TTC28: variants seen among roughly 807,000 people sequenced by gnomAD.
The protein encoded by TTC28 is tetratricopeptide repeat protein 28.
Under a neutral mutation model 198.0 loss-of-function variants are expected in TTC28, and 61 were observed. The ratio of observed to expected loss-of-function variants is 0.31; its 90% CI spans 0.25 to 0.38. TTC28 has a LOEUF of 0.38. Ranked by LOEUF, TTC28 falls within the 10% of genes least tolerant of loss-of-function variation. The pLI, the probability that TTC28 is intolerant of heterozygous loss-of-function variation, is 1.00. For synonymous variants in TTC28, 1,171 were observed against 1,297.8 expected, an observed-to-expected ratio of 0.90 and a Z score of 2.10; for missense variants, 2,678 against 3,164.0, an observed-to-expected ratio of 0.85 and a Z score of 3.69.
At chr22:28,435,377 A>C (rs2047505040) in intron 2 of TTC28, among the ~76,000 whole-genome samples, 1 of 152,224 alleles carries the variant, frequency 6.6e-6, no homozygotes, top group South Asian at 2.1e-4. Context: ...TTCAGGACAA[A>C]GGTTTCCTAT....
chr22:28,276,160 C>T (rs1254510796), intron 5 of TTC28, among the ~76,000 whole-genome samples: 1 of 151,902 alleles, frequency 6.6e-6, no homozygotes, highest in Non-Finnish European at 1.5e-5. Context: ...CACAGGCATG[C>T]ACCACGACGC....
At chr22:28,326,630 G>GA (rs2045533932) in intron 2 of TTC28, among the ~76,000 whole-genome samples, 1 of 152,162 alleles carries the variant, frequency 6.6e-6, no homozygotes, top group Non-Finnish European at 1.5e-5. Context: ...GAGAACAAAA[G>GA]ACAGATACCT....
At position 28,629,610 on chromosome 22, in the gene TTC28, T is replaced by G; in HGVS notation, c.323A>C (p.Tyr108Ser). The G allele has an allele frequency of 1.3e-6, 2 of 1,551,734 alleles. No homozygotes were observed. The highest frequency in any genetic ancestry group is 8.7e-7 in the Non-Finnish European group (1 of 1,147,004). ...RSAAYMKIQQ[Y>S]DKALDDAIKA... ...GATTGCATCATCCAGTGCCTTGTCA[T>G]ACTGCTGGATTTTCATGTAGGCTGC... The change falls in exon 2 of 23, where the codon TAT becomes TCT. Residue 108 changes from tyrosine to serine, a missense_variant. This residue lies in a region of TTC28 where 176 missense variants were observed against 197.9 expected (regional missense o/e 0.89). Transcript: ENST00000397906.
intron 12 of TTC28, among the ~76,000 whole-genome samples, chr22:28,083,091 T>C (rs1017308514): frequency 8.6e-5 from 13 of 151,896 alleles, no homozygotes; most frequent in African/African-American, 2.9e-4. Context: ...TTTTTTGTCT[T>C]AAGCAACTAG....
At chr22:28,236,112 TC>T (rs770037302) in intron 5 of TTC28, among the ~76,000 whole-genome samples, 1 of 152,108 alleles carries the variant, frequency 6.6e-6, no homozygotes, top group Non-Finnish European at 1.5e-5. Flanking sequence ...AGCAACATCT[TC>T]CCCACAGATC....
At chr22:28,586,419 T>G (rs961006874) in intron 2 of TTC28, among the ~76,000 whole-genome samples, 22 of 151,776 alleles carry the variant, frequency 1.4e-4, no homozygotes, top group African/African-American at 5.3e-4. Flanking sequence ...TATAGAAAGA[T>G]TAAAGATAGA....
intron 6 of TTC28, among the ~76,000 whole-genome samples, chr22:28,117,119 C>T (rs1044043121): frequency 2.0e-5 from 3 of 152,180 alleles, no homozygotes; most frequent in Non-Finnish European, 2.9e-5. Context: ...TACTTCCAGA[C>T]AGAAGCGTTG....
chr22:28,489,664 T>C (rs1391961048), intron 2 of TTC28, among the ~76,000 whole-genome samples: 3 of 152,100 alleles, frequency 2.0e-5, no homozygotes, highest in South Asian at 4.1e-4. Flanking sequence ...TGCATGCCTG[T>C]AGTTCCAGCT....
intron 8 of TTC28, among the ~76,000 whole-genome samples, chr22:28,103,051 T>TGAAAACA (rs1455903582): frequency 6.6e-6 from 1 of 152,180 alleles, no homozygotes; most frequent in Non-Finnish European, 1.5e-5. Context: ...CCATGTTCTA[T>TGAAAACA]GAAAACAGGG....
At chr22:28,041,832 C>T (rs1351392951) in intron 12 of TTC28, among the ~76,000 whole-genome samples, 2 of 152,016 alleles carry the variant, frequency 1.3e-5, no homozygotes, top group African/African-American at 4.8e-5. Flanking sequence ...GCAATCTACA[C>T]ATGTGACAAA....
At chr22:28,076,614 T>C (rs1253752249) in intron 12 of TTC28, among the ~76,000 whole-genome samples, 1 of 152,152 alleles carries the variant, frequency 6.6e-6, no homozygotes, top group South Asian at 2.1e-4. Flanking sequence ...TCTCATTCTG[T>C]TGCCCAGGCT....
intron 12 of TTC28, among the ~76,000 whole-genome samples, chr22:28,064,469 T>G (rs958184760): frequency 3.9e-5 from 6 of 152,120 alleles, no homozygotes; most frequent in Admixed American, 6.6e-5. Flanking sequence ...TCTGTCCATA[T>G]CTCTGGCTGA....
intron 12 of TTC28, among the ~76,000 whole-genome samples, chr22:28,074,405 C>CAG (rs1021681787): frequency 6.6e-6 from 1 of 152,198 alleles, no homozygotes; most frequent in Non-Finnish European, 1.5e-5. Flanking sequence ...AATTAATCAA[C>CAG]AGATTCAGAA....
At chr22:28,342,115 G>C (rs1047559532) in intron 2 of TTC28, among the ~76,000 whole-genome samples, 52 of 152,268 alleles carry the variant, frequency 3.4e-4, no homozygotes, top group African/African-American at 1.3e-3. Flanking sequence ...AGCTAAAATT[G>C]TTTTTTGTGT....
chr22:28,501,660 C>T (rs2048539561), intron 2 of TTC28, among the ~76,000 whole-genome samples: 1 of 151,908 alleles, frequency 6.6e-6, no homozygotes, highest in Admixed American at 6.6e-5. Context: ...CTTATGTACC[C>T]CATAAATATG....
chr22:28,071,746 A>AG lies in TTC28; in HGVS notation c.3932+22333dup, dbSNP rs144759350. ...CTTAAAGTATAATAAAAAAAAAAAA[A>AG]GGAAAAAAAAAAAAAAAAAGAAAAA... is the stretch of plus-strand genomic sequence containing the variant. On this transcript the variant is annotated intron_variant, in intron 12 of 22. Transcript: ENST00000397906. Among the ~76,000 whole-genome samples the AG allele has an allele frequency of 9.7e-3, 1,381 of 141,814 alleles. 21 individuals carry two copies. The highest frequency in any genetic ancestry group is 0.036 in the African/African-American group (1,299 of 35,940). The allele number at this position is 141,814 out of a possible 152,430, so 93.0% of individuals were successfully genotyped here.
intron 5 of TTC28, among the ~76,000 whole-genome samples, chr22:28,196,298 A>AACAAT: frequency 6.6e-6 from 1 of 152,114 alleles, no homozygotes; most frequent in South Asian, 2.1e-4. Flanking sequence ...AAGATGGGAT[A>AACAAT]AAAGACTTAA....
intron 2 of TTC28, among the ~76,000 whole-genome samples, chr22:28,518,114 A>G (rs2048827382): frequency 6.6e-6 from 1 of 152,092 alleles, no homozygotes; most frequent in Admixed American, 6.5e-5. Context: ...TCTACTATAA[A>G]TACTAGATAT....
At chr22:28,071,748 G>GAAAAAAAAAAAAAAAAAAAAAA (rs371615737) in intron 12 of TTC28, among the ~76,000 whole-genome samples, 1 of 91,134 alleles carries the variant, frequency 1.1e-5, no homozygotes, top group Non-Finnish European at 2.3e-5. Flanking sequence ...AAAAAAAAAG[G>GAAAAAAAAAAAAAAAAAAAAAA]AAAAAAAAAA....
Sources: gnomAD v4.1 joint callset for allele counts (sites outside exome capture counted in the v4.1 genomes callset) on GRCh38, gnomAD v4.1.1 for gene constraint, gnomAD v4.1.1 regional missense constraint, MANE v1.5 for transcripts, NCBI Gene and HGNC (gene_info 2026-07-23, HGNC 2026-07-21) for gene names.